RGS21: variants seen among roughly 807,000 people sequenced by gnomAD.
RGS21 encodes regulator of G protein signaling 21.
In RGS21, 19 loss-of-function variants were observed where a neutral mutation model predicts 18.7. That is an observed-to-expected ratio of 1.01 (90% CI 0.71 to 1.49). The LOEUF is 1.49. RGS21 is among the 40% of genes most tolerant of loss of function. RGS21 has a pLI of 0.00. For synonymous variants in RGS21, 56 were observed against 57.8 expected, an observed-to-expected ratio of 0.97 and a Z score of 0.14; for missense variants, 194 against 176.8, an observed-to-expected ratio of 1.10 and a Z score of -0.55.
chr1:192,361,557 C>CT (rs999466613), intron 4 of RGS21, among the ~76,000 whole-genome samples: 13 of 151,592 alleles, frequency 8.6e-5, no homozygotes, highest in South Asian at 2.1e-4. Context: ...TTTTATTTTC[C>CT]TTTTTTTTGA....
intron 1 of RGS21, among the ~76,000 whole-genome samples, chr1:192,339,216 ATT>A (rs76322410): frequency 1.3e-5 from 2 of 150,152 alleles, no homozygotes; most frequent in South Asian, 2.1e-4. Context: ...TCAAATCGGC[ATT>A]TTTTTTTAAA....
chr1:192,334,898 T>C (rs1030582758), intron 1 of RGS21, among the ~76,000 whole-genome samples: 28 of 152,150 alleles, frequency 1.8e-4, no homozygotes, highest in African/African-American at 6.3e-4. Flanking sequence ...AATCCACTTG[T>C]CACTTATGTC....
intron 4 of RGS21, among the ~76,000 whole-genome samples, chr1:192,354,112 GT>G (rs1311297366): frequency 6.6e-6 from 1 of 151,552 alleles, no homozygotes; most frequent in Non-Finnish European, 1.5e-5. Context: ...TAGTTCATCA[GT>G]TATGTGTTAT....
chr1:192,355,101 G>A (rs1456017323), intron 4 of RGS21, among the ~76,000 whole-genome samples: 1 of 151,602 alleles, frequency 6.6e-6, no homozygotes, highest in Non-Finnish European at 1.5e-5. Context: ...TGATGTAGCA[G>A]AAAAACTAAA....
chr1:192,334,398 G>T (rs962232372), intron 1 of RGS21, among the ~76,000 whole-genome samples: 1 of 152,048 alleles, frequency 6.6e-6, no homozygotes. Flanking sequence ...TTTTGTTTTA[G>T]AATTGAATTA....
At chr1:192,327,464 T>G (rs1320219223) in intron 1 of RGS21, among the ~76,000 whole-genome samples, 2 of 152,084 alleles carry the variant, frequency 1.3e-5, no homozygotes, top group African/African-American at 4.8e-5. Context: ...ATTCTTTTTT[T>G]TTAATTTTTT....
intron 1 of RGS21, among the ~76,000 whole-genome samples, chr1:192,339,874 A>G (rs1202212704): frequency 2.0e-5 from 3 of 151,960 alleles, no homozygotes; most frequent in African/African-American, 7.2e-5. Context: ...GAAAAGAAAT[A>G]CCTTCTATGA....
rs1427136297 is a variant in RGS21, at chr1:192,367,146, T to A, written c.*1022T>A. On this transcript the variant is annotated 3_prime_UTR_variant, in exon 5 of 5. Coordinates refer to ENST00000417209, the MANE Select transcript of RGS21 (RefSeq NM_001039152.3). ...AGATTTATTTATCTGCATTGATATTTCTGCTTTTAGATTGTTTGAACATTA... is the reference window on the plus strand; with the variant it reads ...AGATTTATTTATCTGCATTGATATTACTGCTTTTAGATTGTTTGAACATTA... 6.6e-6 allele frequency: 1 copy of A among 152,046 alleles called. No homozygotes were observed. The highest frequency in any genetic ancestry group is 2.4e-5 in the African/African-American group (1 of 41,438). 9.4% of individuals were successfully genotyped at this position (152,046 alleles called of 1,614,324 possible).
intron 1 of RGS21, among the ~76,000 whole-genome samples, chr1:192,342,674 T>C (rs931721379): frequency 4.0e-5 from 6 of 151,810 alleles, no homozygotes; most frequent in Admixed American, 6.6e-5. Flanking sequence ...TTATAATATG[T>C]ATATCATTAT....
chr1:192,361,651 T>C (rs954480100), intron 4 of RGS21, among the ~76,000 whole-genome samples: 14 of 152,230 alleles, frequency 9.2e-5, no homozygotes, highest in African/African-American at 3.1e-4. Flanking sequence ...GTTCAAGCAA[T>C]TCTCCTGCCT....
intron 4 of RGS21, among the ~76,000 whole-genome samples, chr1:192,353,371 C>A (rs1483987885): frequency 6.6e-6 from 1 of 151,854 alleles, no homozygotes; most frequent in Non-Finnish European, 1.5e-5. Flanking sequence ...TCCTGTAGAG[C>A]TATTTCAACA....
chr1:192,359,664 T>C (rs1659160357), intron 4 of RGS21, among the ~76,000 whole-genome samples: 1 of 146,548 alleles, frequency 6.8e-6, no homozygotes, highest in African/African-American at 2.5e-5. Context: ...TGTATATATA[T>C]ATATATATAT....
At chr1:192,327,337 C>T (rs926450594) in intron 1 of RGS21, among the ~76,000 whole-genome samples, 7 of 151,812 alleles carry the variant, frequency 4.6e-5, no homozygotes, top group East Asian at 3.9e-4. Context: ...ATTCTAGCAA[C>T]GAGTAGATTA....
At chr1:192,360,331 T>C (rs773999241) in intron 4 of RGS21, among the ~76,000 whole-genome samples, 8 of 152,122 alleles carry the variant, frequency 5.3e-5, no homozygotes, top group Non-Finnish European at 1.2e-4. Flanking sequence ...TCCATCAGCA[T>C]TTTCTGTCAT....
Position 192,351,957 on chromosome 1 carries a change from G to A in RGS21, c.89-90G>A, listed in dbSNP as rs565872505. The A allele has an allele frequency of 4.5e-6, 3 of 673,690 alleles. No homozygotes were observed. In the African/African-American group the frequency reaches 5.4e-5, roughly 12 times the overall value. 41.7% of individuals were successfully genotyped at this position (673,690 alleles called of 1,614,324 possible). A position where few individuals can be genotyped will look rare whatever the true frequency, so the allele number is the denominator to read the frequency against. On this transcript the variant is annotated intron_variant, in intron 3 of 4. Transcript: ENST00000417209. ...ATCAATATTTGCCACTGAATATCCA[G>A]TAAATGCTCATATTATACAATGTAC...
intron 1 of RGS21, among the ~76,000 whole-genome samples, chr1:192,342,508 G>A (rs907142671): frequency 2.6e-5 from 4 of 151,866 alleles, no homozygotes; most frequent in Non-Finnish European, 1.5e-5. Context: ...GAATAAAATT[G>A]CTTAAATAGT....
At chr1:192,357,917 A>G (rs1659132576) in intron 4 of RGS21, among the ~76,000 whole-genome samples, 1 of 152,020 alleles carries the variant, frequency 6.6e-6, no homozygotes, top group Non-Finnish European at 1.5e-5. Flanking sequence ...CTGTGCTTCA[A>G]AAAATAATTT....
At chr1:192,343,372 G>A (rs1295435826) in intron 2 of RGS21, among the ~76,000 whole-genome samples, 1 of 151,940 alleles carries the variant, frequency 6.6e-6, no homozygotes, top group East Asian at 1.9e-4. Context: ...TTATCACAAC[G>A]TTTATTGAAA....
intron 1 of RGS21, among the ~76,000 whole-genome samples, chr1:192,321,204 C>T (rs1221536371): frequency 1.3e-5 from 2 of 151,390 alleles, no homozygotes; most frequent in African/African-American, 2.4e-5. Flanking sequence ...TCTATTCGAC[C>T]CCATTTTTTC....
Sources: allele counts gnomAD v4.1 joint callset (sites outside exome capture counted in the v4.1 genomes callset), GRCh38; gene constraint gnomAD v4.1.1; transcripts MANE v1.5; gene names NCBI Gene and HGNC (gene_info 2026-07-23, HGNC 2026-07-21).